MAST1: variants seen among roughly 807,000 people sequenced by gnomAD.
The protein encoded by MAST1 is microtubule-associated serine/threonine-protein kinase 1.
MAST1 carries 40 observed loss-of-function variants against 124.6 expected under a neutral mutation model. The ratio of observed to expected loss-of-function variants is 0.32; its 90% CI spans 0.25 to 0.42. The LOEUF (loss-of-function observed/expected upper bound fraction) is 0.42. Among genes scored for constraint, MAST1 ranks in the 10% least tolerant of loss-of-function variants. MAST1 has a pLI of 1.00. For missense variants in MAST1, 1,558 were observed against 2,181.9 expected, an observed-to-expected ratio of 0.71 and a Z score of 5.70; for synonymous variants, 938 against 939.4, an observed-to-expected ratio of 1.00 and a Z score of 0.03.
rs999216934 is a variant in MAST1, at chr19:12,838,753, T to C, written c.83+98T>C. The C allele has an allele frequency of 1.1e-5, 12 of 1,095,274 alleles. No individual in the cohort carries two copies. Among genetic ancestry groups the C allele is most frequent in the Non-Finnish European group, 1.4e-5 (11 of 786,264 alleles). 67.8% of individuals were successfully genotyped at this position (1,095,274 alleles called of 1,614,324 possible). On this transcript the variant is annotated intron_variant, in intron 1 of 25. Coordinates refer to ENST00000251472, the MANE Select transcript of MAST1 (RefSeq NM_014975.3). This position sits in a 1 kb window ranked among gnomAD's most constrained non-coding sequence, Gnocchi z 4.3. ...GCGGGGCCCGGGATGCTGCGCCCGG[T>C]CCAGCTGCGCCAGAGGTGCCCCAGC...
At position 12,865,420 on chromosome 19, in the gene MAST1, GGTGGGCT is replaced by G; in HGVS notation, c.1747_1753del (p.Gly583CysfsTer57). The G allele has an allele frequency of 6.2e-7, 1 of 1,610,954 alleles. No homozygotes were observed. The highest frequency in any genetic ancestry group is 8.5e-7 in the Non-Finnish European group (1 of 1,178,458). On this transcript the variant is annotated frameshift_variant, in exon 15 of 26. Transcript: ENST00000251472. LOFTEE classifies it high-confidence loss of function. The surrounding 1 kb of genome is among the most constrained non-coding windows in gnomAD (Gnocchi z 7.1). Reference sequence around the variant, plus strand: ...TGGGGATCATCCTCTACGAGTTCCTGGTGGGCTGTGTGCCCTTCTTCGGAGACACACC... The same window carrying G: ...TGGGGATCATCCTCTACGAGTTCCTGGTGTGCCCTTCTTCGGAGACACACC...
At chr19:12,868,931 C>G (rs756007395) in intron 21 of MAST1, 82 bp downstream of exon 21, 171 of 1,538,460 alleles carry the variant, frequency 1.1e-4, no homozygotes, top group Non-Finnish European at 1.4e-4. Flanking sequence ...TGCATTTTCC[C>G]TGTCCACCGT....
Position 12,840,982 on chromosome 19 carries a change from C to A in MAST1, c.173-9C>A. On this transcript the variant is annotated splice_polypyrimidine_tract_variant and intron_variant, in intron 2 of 25. Coordinates refer to ENST00000251472, the MANE Select transcript of MAST1 (RefSeq NM_014975.3). ...ACCTGACAGGATTTGCCCCCTCTTT[C>A]TCTCATAGGCAGCAGTCCCCTGGAC... 1.8e-6 allele frequency: 2 copies of A among 1,128,102 alleles called. No individual in the cohort carries two copies. Among genetic ancestry groups the A allele is most frequent in the Non-Finnish European group, 2.7e-6 (2 of 735,206 alleles). 69.9% of individuals were successfully genotyped at this position (1,128,102 alleles called of 1,614,324 possible). A position where few individuals can be genotyped will look rare whatever the true frequency, so the allele number is the denominator to read the frequency against.
At chr19:12,842,959 G>C (rs1278769206) in intron 3 of MAST1, among the ~76,000 whole-genome samples, 1 of 152,124 alleles carries the variant, frequency 6.6e-6, no homozygotes, top group African/African-American at 2.4e-5. Context: ...GTGGGTGTCT[G>C]TGTTGAGGAG....
At chr19:12,844,986 G>C (rs891882010) in intron 4 of MAST1, among the ~76,000 whole-genome samples, 18 of 152,086 alleles carry the variant, frequency 1.2e-4, no homozygotes, top group Admixed American at 1.2e-3. Flanking sequence ...TTAACCAGAG[G>C]AGTGAGCAAT....
At chr19:12,842,437 C>T (rs1343942747) in intron 3 of MAST1, among the ~76,000 whole-genome samples, 2 of 152,054 alleles carry the variant, frequency 1.3e-5, no homozygotes, top group East Asian at 1.9e-4. Context: ...GGATTACAGG[C>T]GCCTGCCACC....
chr19:12,873,813 C>T lies in MAST1; in HGVS notation c.3656C>T (p.Pro1219Leu). The change falls in exon 26 of 26, where the codon CCG (proline) becomes CTG (leucine). Residue 1219 changes from proline (P) to leucine (L), a missense_variant. Pro to Leu is a moderately conservative substitution (Grantham distance 98). This residue lies in a region of MAST1 where 291 missense variants were observed against 475.8 expected (regional missense o/e 0.61). Transcript: ENST00000251472. Reference protein sequence around the residue: ...HTPSPTQASPPPLPGHTVGSS... With the variant: ...HTPSPTQASPLPLPGHTVGSS... ...CCGTCCCCCACGCAGGCGTCACCGC[C>T]GCCACTGCCGGGCCACACGGTGGGC... 1.3e-6 allele frequency: 2 copies of T among 1,594,726 alleles called. No homozygotes were observed. Among genetic ancestry groups the T allele is most frequent in the Non-Finnish European group, 1.7e-6 (2 of 1,177,356 alleles).
At chr19:12,851,283 A>C (rs1969956541) in intron 7 of MAST1, among the ~76,000 whole-genome samples, 1 of 127,006 alleles carries the variant, frequency 7.9e-6, no homozygotes, top group Non-Finnish European at 1.6e-5. Context: ...TTTTTTTTTG[A>C]GACAGGGTCT....
intron 25 of MAST1, 39 bp downstream of exon 25, chr19:12,873,550 G>T (rs375653107): frequency 1.0e-4 from 158 of 1,583,704 alleles, no homozygotes; most frequent in Non-Finnish European, 1.3e-4. Flanking sequence ...CGAGCAGCGC[G>T]GGGTGGCCTG....
rs2145908004 is a variant in MAST1, at chr19:12,866,190, T to C, written c.2029+88T>C. 1 of 1,380,920 alleles carries C rather than the reference T, an allele frequency of 7.2e-7. No homozygotes were observed. Among genetic ancestry groups the C allele is most frequent in the Admixed American group, 2.2e-5 (1 of 45,404 alleles). The allele number at this position is 1,380,920 out of a possible 1,614,324, so 85.5% of individuals were successfully genotyped here. Reference sequence around the variant, plus strand: ...GGTAAGTAAAGCCTGGGATAGGGCCTGGCTAAGTACCAAGATGTGATGCCT... The same window carrying C: ...GGTAAGTAAAGCCTGGGATAGGGCCCGGCTAAGTACCAAGATGTGATGCCT... On this transcript the variant is annotated intron_variant, in intron 17 of 25. Transcript: ENST00000251472. This position sits in a 1 kb window ranked among gnomAD's most constrained non-coding sequence, Gnocchi z 5.2.
At position 12,865,501 on chromosome 19, in the gene MAST1, A is replaced by C; in HGVS notation, c.1804+20A>C. On this transcript the variant is annotated intron_variant, in intron 15 of 25. Transcript: ENST00000251472. This position sits in a 1 kb window ranked among gnomAD's most constrained non-coding sequence, Gnocchi z 7.1. ...TCAGTGGTACGTGGCTTGGCAGTGT[A>C]CAGGGGCAGAGTGTGGTGTGCACGG... The C allele has an allele frequency of 6.4e-7, 1 of 1,559,442 alleles. No individual in the cohort carries two copies. Among genetic ancestry groups the C allele is most frequent in the Non-Finnish European group, 8.7e-7 (1 of 1,153,254 alleles).
In MAST1 at chr19:12,874,201, G is replaced by A; in HGVS notation, c.4044G>A (p.Glu1348=). Reference sequence around the variant, plus strand: ...TGGGCGCGGACCCGTTGCTGCCCGAGGGTGCCTCCAGGCCACCAGTGTCGA... The same window carrying A: ...TGGGCGCGGACCCGTTGCTGCCCGAAGGTGCCTCCAGGCCACCAGTGTCGA... ...LSLGADPLLP[E]GASRPPVSSK... The change falls in exon 26 of 26, where the codon GAG becomes GAA. Residue 1348 remains glutamate, a synonymous_variant. Transcript: ENST00000251472. This position sits in a 1 kb window ranked among gnomAD's most constrained non-coding sequence, Gnocchi z 6.6. 1 of 1,544,206 alleles carries A rather than the reference G, an allele frequency of 6.5e-7. No homozygotes were observed.
chr19:12,873,248 T>G (rs1013902709), intron 24 of MAST1, 76 bp from the exon 25 acceptor site: 3 of 1,455,332 alleles, frequency 2.1e-6, no homozygotes, highest in Non-Finnish European at 2.8e-6. Flanking sequence ...GTTACCGTTG[T>G]GAGGCCGTGA....
chr19:12,849,137 G>A lies in MAST1; in HGVS notation c.774+1080G>A, dbSNP rs116971583. 3.5e-4 allele frequency among the ~76,000 whole-genome samples: 54 copies of A among 152,180 alleles called. No individual in the cohort carries two copies. In the East Asian group the frequency reaches 0.01, roughly 28 times the overall value. On this transcript the variant is annotated intron_variant, in intron 7 of 25. Transcript: ENST00000251472. ...AGCCCCATAGTTGGTGAGGGTGGGG[G>A]GGTGGAGTTGTCTGTTCTGTCCACT... is the stretch of plus-strand genomic sequence containing the variant.
chr19:12,847,675 G>T lies in MAST1; in HGVS notation c.552G>T (p.Glu184Asp). Residue 184 changes from glutamate to aspartate, a missense_variant, in exon 6 of 26, where the codon GAG becomes GAT. Glu to Asp is a conservative substitution (Grantham distance 45, BLOSUM62 2). Around this residue, in one of 10 missense-constraint regions of MAST1, gnomAD observed 165 missense variants for 315.3 expected, o/e 0.52. Coordinates refer to ENST00000251472, the MANE Select transcript of MAST1 (RefSeq NM_014975.3). This position sits in a 1 kb window ranked among gnomAD's most constrained non-coding sequence, Gnocchi z 5.5. The part of the protein sequence containing the change: ...EIVMMNHVYK[E>D]RFPKATAQME... ...TGATGATGAATCACGTCTACAAGGA[G>T]AGGTTCCCGAAGGTGAGGTGGGACC... is the stretch of plus-strand genomic sequence containing the variant. 1.2e-6 allele frequency: 2 copies of T among 1,613,968 alleles called. No homozygotes were observed. The highest frequency in any genetic ancestry group is 1.7e-6 in the Non-Finnish European group (2 of 1,179,960).
rs1340013440 is a variant in MAST1 at position 12,847,990 on chromosome 19, G to T, written c.707G>T (p.Arg236Leu). The change falls in exon 7 of 26, where the codon CGT becomes CTT. Residue 236 changes from arginine to leucine, a missense_variant. By Grantham distance (102) the Arg-to-Leu change is moderately radical. Coordinates refer to ENST00000251472, the MANE Select transcript of MAST1 (RefSeq NM_014975.3). This position sits in a 1 kb window ranked among gnomAD's most constrained non-coding sequence, Gnocchi z 5.5. ...GCCCGGGACTGCCTGACCAAGTCCC[G>T]TGACGGCCTCATCACCACGGTCTAC... is the stretch of plus-strand genomic sequence containing the variant. ...ELARDCLTKSRDGLITTVYFY... is the reference protein window; with the variant it reads ...ELARDCLTKSLDGLITTVYFY... 1.2e-6 allele frequency: 2 copies of T among 1,614,162 alleles called. No homozygotes were observed. The highest frequency in any genetic ancestry group is 1.3e-5 in the African/African-American group (1 of 75,068).
Position 12,866,122 on chromosome 19 carries a change from A to T in MAST1, c.2029+20A>T. On this transcript the variant is annotated intron_variant, in intron 17 of 25. Coordinates refer to ENST00000251472, the MANE Select transcript of MAST1 (RefSeq NM_014975.3). This position sits in a 1 kb window ranked among gnomAD's most constrained non-coding sequence, Gnocchi z 5.2. ...TTGACAGTGAGCTGGGACACCAGGC[A>T]CGACCTGGGTCGAGGGGTGGGATCC... The T allele has an allele frequency of 1.2e-6, 2 of 1,613,566 alleles. No homozygotes were observed. The highest frequency in any genetic ancestry group is 1.7e-6 in the Non-Finnish European group (2 of 1,179,994).
chr19:12,864,846 G>A lies in MAST1; in HGVS notation c.1404G>A (p.Ala468=), dbSNP rs375877274. The change falls in exon 13 of 26, where the codon GCG becomes GCA. Residue 468 remains alanine (A), a synonymous_variant. Transcript: ENST00000251472. ...DCATLLKNIG[A]LPVEMARMYF... is the part of the protein sequence containing the mutation. ...CCACCCTGCTGAAGAATATTGGAGC[G>A]CTGCCCGTAGAGATGGCCCGCATGT... is the stretch of plus-strand genomic sequence containing the variant. The A allele has an allele frequency of 2.7e-5, 43 of 1,613,794 alleles. No homozygotes were observed. Among genetic ancestry groups the A allele is most frequent in the South Asian group, 3.3e-5 (3 of 91,084 alleles).
chr19:12,847,430 G>A lies in MAST1; in HGVS notation c.468G>A (p.Arg156=). The A allele has an allele frequency of 6.2e-7, 1 of 1,613,650 alleles. No individual in the cohort carries two copies. The highest frequency in any genetic ancestry group is 8.5e-7 in the Non-Finnish European group (1 of 1,179,954). Residue 156 remains arginine (R), a synonymous_variant, in exon 5 of 26, where the codon CGG becomes CGA. Coordinates refer to ENST00000251472, the MANE Select transcript of MAST1 (RefSeq NM_014975.3). This position sits in a 1 kb window ranked among gnomAD's most constrained non-coding sequence, Gnocchi z 5.5. ...GTGGCCGTCGCTCCCCAGCCGTGCG[G>A]CCCCGCTCACGGAGCCTCAGGTGGG... ...EDGGRRSPAV[R]PRSRSLSPGR... is the part of the protein sequence containing the mutation.
Sources: allele counts gnomAD v4.1 joint callset (sites outside exome capture counted in the v4.1 genomes callset), GRCh38; gene constraint gnomAD v4.1.1; regional missense constraint gnomAD v4.1.1; non-coding constraint Gnocchi (gnomAD v3.1); transcripts MANE v1.5; gene names NCBI Gene and HGNC (gene_info 2026-07-23, HGNC 2026-07-21).